The following RTL4 variants were observed in gnomAD, a reference collection of about 807,000 sequenced individuals.
RTL4 encodes the protein retrotransposon Gag like 4.
In RTL4, 4 loss-of-function variants were observed where a neutral mutation model predicts 5.3. That is an observed-to-expected ratio of 0.75 (90% confidence interval 0.37 to 1.72). The LOEUF is 1.72. RTL4 is among the 40% of genes most tolerant of loss of function. RTL4 has a pLI of 0.04. For synonymous variants in RTL4, 98 were observed against 87.3 expected, an observed-to-expected ratio of 1.12 and a Z score of -0.68; for missense variants, 260 against 227.1, an observed-to-expected ratio of 1.14 and a Z score of -0.93.
At chrX:112,242,127 C>T in the RTL4 span, among the ~76,000 whole-genome samples, 2,628 of 111,277 alleles carry the variant, frequency 0.024, 78 homozygotes, top group African/African-American at 0.081. Flanking sequence ...AGTCAGGTAG[C>T]GTGATGCCTC....
chrX:112,327,738 G>T, the RTL4 span, among the ~76,000 whole-genome samples: 4 of 111,150 alleles, frequency 3.6e-5, no homozygotes, highest in East Asian at 2.8e-4. Context: ...AGGAAAAAAT[G>T]TTAAGGGCAG....
chrX:112,100,377 G>T, the RTL4 span, among the ~76,000 whole-genome samples: 1 of 110,163 alleles, frequency 9.1e-6, no homozygotes, highest in Non-Finnish European at 1.9e-5. Flanking sequence ...GACACAGATT[G>T]TTAGGAAAAT....
At chrX:112,417,105 A>G in the RTL4 span, among the ~76,000 whole-genome samples, 1 of 111,492 alleles carries the variant, frequency 9.0e-6, no homozygotes, top group Non-Finnish European at 1.9e-5. Flanking sequence ...TTCAGATGGC[A>G]CATCTTGAGT....
At chrX:112,167,065 T>C in the RTL4 span, among the ~76,000 whole-genome samples, 8 of 111,329 alleles carry the variant, frequency 7.2e-5, no homozygotes, top group East Asian at 2.3e-3. Context: ...ACAGGAAGAA[T>C]GAGATGAGAC....
the RTL4 span, among the ~76,000 whole-genome samples, chrX:112,356,901 T>G: frequency 9.0e-6 from 1 of 111,630 alleles, no homozygotes; most frequent in East Asian, 2.9e-4. Context: ...ACCAAGATTA[T>G]GTGAACAATT....
chrX:112,400,998 A>C, the RTL4 span, among the ~76,000 whole-genome samples: 1 of 112,171 alleles, frequency 8.9e-6, no homozygotes, highest in African/African-American at 3.2e-5. Flanking sequence ...CAAGGCAGCA[A>C]GATGAGCCAA....
the RTL4 span, among the ~76,000 whole-genome samples, chrX:112,395,423 T>C: frequency 9.0e-6 from 1 of 110,977 alleles, no homozygotes; most frequent in Non-Finnish European, 1.9e-5. Context: ...AAACTTCAAA[T>C]ATATAAAATA....
chrX:112,337,833 A>G, the RTL4 span, among the ~76,000 whole-genome samples: 3 of 111,147 alleles, frequency 2.7e-5, no homozygotes, highest in African/African-American at 9.8e-5. Context: ...CCTTCAGTGC[A>G]TGCACAGTTG....
chrX:112,419,056 CTT>C, the RTL4 span, among the ~76,000 whole-genome samples: 527 of 84,236 alleles, frequency 6.3e-3, 6 homozygotes, highest in African/African-American at 0.022. Context: ...ATATATATAT[CTT>C]ATATATATAT....
At chrX:112,220,445 C>G in the RTL4 span, among the ~76,000 whole-genome samples, 2 of 112,721 alleles carry the variant, frequency 1.8e-5, no homozygotes, top group Admixed American at 1.9e-4. Flanking sequence ...CCCTCCCAAG[C>G]CTCTGGGCAA....
the RTL4 span, among the ~76,000 whole-genome samples, chrX:112,098,530 A>G: frequency 9.0e-6 from 1 of 111,544 alleles, no homozygotes; most frequent in Non-Finnish European, 1.9e-5. Context: ...CTGAGGAATG[A>G]CCACACCGAC....
chrX:112,325,135 C>T, the RTL4 span, among the ~76,000 whole-genome samples: 1 of 111,068 alleles, frequency 9.0e-6, no homozygotes. Flanking sequence ...AACCGCTGCT[C>T]GATGAAATAA....
At chrX:112,424,384 A>G in the RTL4 span, among the ~76,000 whole-genome samples, 2 of 111,587 alleles carry the variant, frequency 1.8e-5, no homozygotes, top group Non-Finnish European at 3.8e-5. Context: ...GTTGTAGAAA[A>G]GTTCACAGGC....
chrX:112,191,774 C>G, the RTL4 span, among the ~76,000 whole-genome samples: 1 of 111,769 alleles, frequency 8.9e-6, no homozygotes, highest in Admixed American at 9.5e-5. Context: ...TCAGTGAACT[C>G]ATCAAGTGAT....
At chrX:112,316,521 CCA>C in the RTL4 span, among the ~76,000 whole-genome samples, 1 of 111,461 alleles carries the variant, frequency 9.0e-6, no homozygotes, top group South Asian at 3.8e-4. Flanking sequence ...CACTACAAGC[CCA>C]GACTTTACCG....
chrX:112,247,598 G>T, the RTL4 span, among the ~76,000 whole-genome samples: 28 of 112,104 alleles, frequency 2.5e-4, no homozygotes, highest in Non-Finnish European at 4.9e-4. Context: ...AAGATTATCT[G>T]TATTACAGAT....
At chrX:112,228,089 C>A in the RTL4 span, among the ~76,000 whole-genome samples, 35 of 111,524 alleles carry the variant, frequency 3.1e-4, no homozygotes, top group African/African-American at 1.0e-3. Context: ...AGGCCAGGGA[C>A]GGAGGGTATT....
the RTL4 span, among the ~76,000 whole-genome samples, chrX:112,185,689 G>A: frequency 9.3e-6 from 1 of 107,492 alleles, no homozygotes; most frequent in Non-Finnish European, 1.9e-5. Context: ...TAAACTGCTT[G>A]GATTCAAAAC....
chrX:112,201,412 T>C, the RTL4 span, among the ~76,000 whole-genome samples: 18 of 111,444 alleles, frequency 1.6e-4, no homozygotes, highest in Non-Finnish European at 3.0e-4. Flanking sequence ...GTAAGTGATG[T>C]ACATCACTTA....
Sources: gnomAD v4.1 joint callset for allele counts (sites outside exome capture counted in the v4.1 genomes callset) on GRCh38, gnomAD v4.1.1 for gene constraint, MANE v1.5 for transcripts, NCBI Gene and HGNC (gene_info 2026-07-23, HGNC 2026-07-21) for gene names.